UNC80: variants seen among roughly 807,000 people sequenced by gnomAD.
The protein encoded by UNC80 is unc-80 subunit of NALCN channel complex, also known as protein unc-80 homolog.
Under a neutral mutation model 384.6 loss-of-function variants are expected in UNC80, and 164 were observed. The ratio of observed to expected loss-of-function variants is 0.43; its 90% CI spans 0.38 to 0.49. The LOEUF is 0.49. UNC80 is among the 20% of genes least tolerant of loss of function. The pLI, the probability that UNC80 is intolerant of heterozygous loss-of-function variation, is 0.00. For synonymous variants in UNC80, 1,486 were observed against 1,527.8 expected (o/e 0.97, Z 0.64); for missense variants, 3,330 against 4,143.0 (o/e 0.80, Z 5.39).
intron 20 of UNC80, among the ~76,000 whole-genome samples, chr2:209,842,069 C>T (rs1223670311): frequency 6.6e-6 from 1 of 152,166 alleles, no homozygotes; most frequent in Non-Finnish European, 1.5e-5. Context: ...TGGACTTTAT[C>T]AGATTTAAAC....
chr2:209,795,710 G>A (rs1371190723), intron 7 of UNC80: 1 of 152,276 alleles, frequency 6.6e-6, no homozygotes, highest in African/African-American at 2.4e-5. Flanking sequence ...ACTTCAGAGG[G>A]TGGAAGCCCC....
intron 7 of UNC80, among the ~76,000 whole-genome samples, chr2:209,805,411 C>T (rs2078829434): frequency 1.3e-5 from 2 of 152,192 alleles, no homozygotes. Flanking sequence ...CAGTTTAAAA[C>T]AAAGGACGTT....
chr2:209,989,271 G>A (rs532076951), intron 61 of UNC80, among the ~76,000 whole-genome samples: 36 of 151,328 alleles, frequency 2.4e-4, no homozygotes, highest in African/African-American at 8.0e-4. Context: ...GATTCAGTGA[G>A]CCAAGATAGT....
intron 47 of UNC80, among the ~76,000 whole-genome samples, chr2:209,951,202 AAAG>A (rs1182790835): frequency 6.6e-6 from 1 of 152,162 alleles, no homozygotes; most frequent in African/African-American, 2.4e-5. Context: ...ATAAAATAAA[AAAG>A]AAAATATTCC....
At chr2:209,798,100 T>C (rs1025202161) in intron 7 of UNC80, among the ~76,000 whole-genome samples, 2 of 152,190 alleles carry the variant, frequency 1.3e-5, no homozygotes, top group Admixed American at 1.3e-4. Flanking sequence ...TTTTCTCCCA[T>C]TCTGTAGGCT....
intron 5 of UNC80, among the ~76,000 whole-genome samples, chr2:209,789,152 T>A (rs11677476): frequency 0.15 from 22,323 of 152,076 alleles, 2,467 homozygotes; most frequent in African/African-American, 0.3. Context: ...CAATGATGAA[T>A]TTGCCTAACA....
chr2:209,898,330 G>A (rs2087013510), intron 28 of UNC80, among the ~76,000 whole-genome samples: 1 of 151,634 alleles, frequency 6.6e-6, no homozygotes, highest in Non-Finnish European at 1.5e-5. Context: ...CAACCACTTT[G>A]CTAACATGAA....
chr2:209,993,377 T>C lies in UNC80; in HGVS notation c.9459T>C (p.Ala3153=). The part of the protein sequence containing the change: ...TQTEPRNRQG[A]RLSTTRRSIQ... The stretch of plus-strand genomic sequence containing the variant: ...CTGAACCCAGAAATCGCCAAGGGGC[T>C]CGGCTGTCAACCACTCGCAGGAGCA... Residue 3153 remains alanine, a synonymous_variant, in exon 63 of 65, where the codon GCT becomes GCC. Coordinates refer to ENST00000673920, the MANE Select transcript of UNC80 (RefSeq NM_001371986.1). 6.4e-7 allele frequency: 1 copy of C among 1,551,780 alleles called. No homozygotes were observed. The highest frequency in any genetic ancestry group is 8.7e-7 in the Non-Finnish European group (1 of 1,146,982).
intron 60 of UNC80, 44 bp from the exon 61 acceptor site, chr2:209,984,812 C>A: frequency 1.5e-5 from 20 of 1,315,080 alleles, no homozygotes; most frequent in South Asian, 3.3e-5. Flanking sequence ...TTTTTTTTTT[C>A]ATTTTCTTTC....
At chr2:209,912,902 C>T (rs1300900320) in intron 30 of UNC80, among the ~76,000 whole-genome samples, 1 of 148,572 alleles carries the variant, frequency 6.7e-6, no homozygotes, top group East Asian at 1.9e-4. Flanking sequence ...AACCACAGCT[C>T]TCCCCACTGT....
At chr2:209,795,119 A>C (rs1316496098) in intron 7 of UNC80, 1 of 171,142 alleles carries the variant, frequency 5.8e-6, no homozygotes, top group African/African-American at 2.4e-5. Flanking sequence ...GACATAGACA[A>C]TAAAACCAGG....
intron 38 of UNC80, among the ~76,000 whole-genome samples, chr2:209,932,779 T>C (rs553995230): frequency 1.3e-4 from 20 of 152,326 alleles, no homozygotes; most frequent in Non-Finnish European, 2.6e-4. Flanking sequence ...GCATGTAGGT[T>C]GGAGAAAGAA....
At chr2:209,813,223 A>G (rs569024110) in intron 7 of UNC80, among the ~76,000 whole-genome samples, 1 of 152,258 alleles carries the variant, frequency 6.6e-6, no homozygotes, top group South Asian at 2.1e-4. Flanking sequence ...CCATCACCCA[A>G]ATTACTCACC....
At chr2:209,834,678 T>G (rs1342779674) in intron 17 of UNC80, among the ~76,000 whole-genome samples, 1 of 152,224 alleles carries the variant, frequency 6.6e-6, no homozygotes, top group Non-Finnish European at 1.5e-5. Context: ...CTTAAAATCC[T>G]GCTTGCAGTT....
At chr2:209,957,608 G>T in intron 48 of UNC80, 36 bp from the exon 49 acceptor site, 1 of 1,480,212 alleles carries the variant, frequency 6.8e-7, no homozygotes, top group Non-Finnish European at 9.2e-7. Context: ...TGTTGTTGTT[G>T]TTGTTTTGCT....
chr2:209,853,565 G>A lies in UNC80; in HGVS notation c.3627+3942G>A, dbSNP rs996168323. Among the ~76,000 whole-genome samples the A allele has an allele frequency of 7.2e-5, 11 of 151,824 alleles. No homozygotes were observed. The East Asian group carries it at 1.5e-3, about 21-fold the overall frequency. On this transcript the variant is annotated intron_variant, in intron 22 of 64. Coordinates refer to ENST00000673920, the MANE Select transcript of UNC80 (RefSeq NM_001371986.1). ...TTAATTTAGCAGATGCAACTGTAAG[G>A]CATTTTTTAAAAGACATATTTTAGA... is the stretch of plus-strand genomic sequence containing the variant.
Position 209,826,072 on chromosome 2 carries a change from A to G in UNC80, c.2478+19A>G. 6.5e-7 allele frequency: 1 copy of G among 1,541,510 alleles called. No homozygotes were observed. The highest frequency in any genetic ancestry group is 8.8e-7 in the Non-Finnish European group (1 of 1,142,458). On this transcript the variant is annotated intron_variant, in intron 14 of 64. Coordinates refer to ENST00000673920, the MANE Select transcript of UNC80 (RefSeq NM_001371986.1). ...AGAGAATGTAAGAGAATTAAAGTAGATTCCATTTCCTCTCCCTCTTCCTTC... is the reference window on the plus strand; with the variant it reads ...AGAGAATGTAAGAGAATTAAAGTAGGTTCCATTTCCTCTCCCTCTTCCTTC...
At position 209,926,925 on chromosome 2, in the gene UNC80, A is replaced by G. The variant is rs1161484838; in HGVS notation, c.5745A>G (p.Ala1915=). The change falls in exon 36 of 65, where the codon GCA becomes GCG. Residue 1915 remains alanine, a synonymous_variant. Transcript: ENST00000673920. Reference sequence around the variant, plus strand: ...CAGTGTTCCCAGCATGCATCTGTGCAGCAGTACTTCCCATTGTTCATCTGA... The same window carrying G: ...CAGTGTTCCCAGCATGCATCTGTGCGGCAGTACTTCCCATTGTTCATCTGA... ...PQAVFPACIC[A]AVLPIVHLME... is the part of the protein sequence containing the mutation. 8 of 1,552,234 alleles carry G rather than the reference A, an allele frequency of 5.2e-6. No individual in the cohort carries two copies. The East Asian group carries it at 1.2e-4, about 24-fold the overall frequency.
chr2:209,906,912 G>A (rs1165987286), intron 29 of UNC80, among the ~76,000 whole-genome samples: 2 of 152,168 alleles, frequency 1.3e-5, no homozygotes, highest in South Asian at 2.1e-4. Flanking sequence ...AAATATGTGA[G>A]CCTAAATTAT....
Sources: allele counts gnomAD v4.1 joint callset (sites outside exome capture counted in the v4.1 genomes callset), GRCh38; gene constraint gnomAD v4.1.1; transcripts MANE v1.5; gene names NCBI Gene and HGNC (gene_info 2026-07-23, HGNC 2026-07-21).